The following LTN1 variants were observed in gnomAD, a reference collection of about 807,000 sequenced individuals.
LTN1 encodes E3 ubiquitin-protein ligase listerin.
In LTN1, 88 loss-of-function variants were observed where a neutral mutation model predicts 201.2. The observed-to-expected ratio is 0.44, with a 90% CI of 0.37 to 0.52. LTN1 has a LOEUF of 0.52. Among genes scored for constraint, LTN1 ranks in the 20% least tolerant of loss-of-function variants. The pLI is 0.00. For missense variants in LTN1, 1,752 were observed against 2,038.7 expected (o/e 0.86, Z 2.71); for synonymous variants, 645 against 713.5 (o/e 0.90, Z 1.53).
chr21:28,931,663 G>A (rs1443330292), intron 28 of LTN1, among the ~76,000 whole-genome samples: 1 of 152,194 alleles, frequency 6.6e-6, no homozygotes, highest in Admixed American at 6.5e-5. Context: ...TATCTCAAAT[G>A]ATTTGTTCCA....
intron 6 of LTN1, among the ~76,000 whole-genome samples, chr21:28,979,892 A>AATC: frequency 6.6e-6 from 1 of 152,286 alleles, no homozygotes; most frequent in Middle Eastern, 3.4e-3. Flanking sequence ...GAATCACTCA[A>AATC]ACCCAGGAGG....
At chr21:28,949,781 A>C (rs1433643713) in intron 18 of LTN1, among the ~76,000 whole-genome samples, 2 of 152,264 alleles carry the variant, frequency 1.3e-5, no homozygotes, top group East Asian at 3.9e-4. Context: ...ATTTTTACAG[A>C]ATCAAATATA....
At position 28,958,444 on chromosome 21, in the gene LTN1, G is replaced by A; in HGVS notation, c.2689C>T (p.His897Tyr). ...TTCTTCAGCCACAGAGCAGACAAATGTAGGAAGGTACTCTCTTTATATGAA... is the reference window on the plus strand; with the variant it reads ...TTCTTCAGCCACAGAGCAGACAAATATAGGAAGGTACTCTCTTTATATGAA... ...DSSYKESTFLHLSALWLKNQV... is the reference protein window; with the variant it reads ...DSSYKESTFLYLSALWLKNQV... Residue 897 changes from histidine to tyrosine, a missense_variant, in exon 14 of 30, where the codon CAT becomes TAT. His to Tyr is a moderately conservative substitution (Grantham distance 83). Transcript: ENST00000361371. 2 of 1,612,048 alleles carry A rather than the reference G, an allele frequency of 1.2e-6. No homozygotes were observed. Among genetic ancestry groups the A allele is most frequent in the South Asian group, 1.1e-5 (1 of 90,744 alleles).
chr21:28,957,626 C>T, intron 14 of LTN1, 150 bp from the exon 15 acceptor site: 1 of 436,246 alleles, frequency 2.3e-6, no homozygotes, highest in Non-Finnish European at 3.9e-6. Context: ...CCACCGATGA[C>T]ACACCAACAT....
intron 21 of LTN1, 82 bp downstream of exon 21, chr21:28,945,725 A>C: frequency 7.9e-7 from 1 of 1,270,872 alleles, no homozygotes; most frequent in East Asian, 2.3e-5. Context: ...TCATCACTTA[A>C]AGAATGAGAT....
chr21:28,974,252 G>C (rs1185182983), intron 6 of LTN1, among the ~76,000 whole-genome samples: 1 of 152,114 alleles, frequency 6.6e-6, no homozygotes, highest in Non-Finnish European at 1.5e-5. Flanking sequence ...CCATATACTG[G>C]AAGAAATCAT....
At chr21:28,935,772 G>A (rs1036812988) in intron 26 of LTN1, among the ~76,000 whole-genome samples, 6 of 151,218 alleles carry the variant, frequency 4.0e-5, no homozygotes, top group Admixed American at 2.0e-4. Flanking sequence ...CCCGGAAGGC[G>A]GAGCTTGCAG....
intron 6 of LTN1, among the ~76,000 whole-genome samples, chr21:28,979,994 C>T (rs534196478): frequency 1.5e-4 from 23 of 152,192 alleles, no homozygotes; most frequent in African/African-American, 5.1e-4. Context: ...AAAAAACTTG[C>T]AGTGTCTTGC....
intron 14 of LTN1, among the ~76,000 whole-genome samples, 197 bp from the exon 15 acceptor site, chr21:28,957,673 T>C (rs556399350): frequency 6.6e-6 from 1 of 152,248 alleles, no homozygotes; most frequent in South Asian, 2.1e-4. Flanking sequence ...ATATTTATCA[T>C]TTGAAATCTA....
rs551113175 is a variant in LTN1 at position 28,928,659 on chromosome 21, G to C, written c.*1789C>G. ...TACAAGTCTTAAAGAAATGTATTAA[G>C]AGTCCTAAGTATGAAGAACAGTTAT... On this transcript the variant is annotated 3_prime_UTR_variant, in exon 30 of 30. Coordinates refer to ENST00000361371, the MANE Select transcript of LTN1 (RefSeq NM_015565.3). 1 of 152,028 alleles carries C rather than the reference G, an allele frequency of 6.6e-6. No homozygotes were observed. Among genetic ancestry groups the C allele is most frequent in the East Asian group, 1.9e-4 (1 of 5,198 alleles). The allele number at this position is 152,028 out of a possible 1,614,324, so 9.4% of individuals were successfully genotyped here.
intron 11 of LTN1, chr21:28,964,495 G>A (rs960091370): frequency 1.5e-6 from 2 of 1,292,038 alleles, no homozygotes; most frequent in African/African-American, 1.5e-5. Context: ...AGACTGTAGT[G>A]TACACATAAC....
At chr21:28,951,293 T>G (rs1397631120) in intron 18 of LTN1, among the ~76,000 whole-genome samples, 1 of 152,252 alleles carries the variant, frequency 6.6e-6, no homozygotes, top group Non-Finnish European at 1.5e-5. Flanking sequence ...ATCTATCATT[T>G]CAGAATTCTT....
intron 6 of LTN1, among the ~76,000 whole-genome samples, chr21:28,975,205 G>A (rs902678025): frequency 1.3e-5 from 2 of 151,968 alleles, no homozygotes; most frequent in African/African-American, 4.8e-5. Context: ...ACTCAATAAG[G>A]TAAAGGAAAA....
chr21:28,953,663 T>C (rs771733566), intron 16 of LTN1, among the ~76,000 whole-genome samples: 1 of 152,202 alleles, frequency 6.6e-6, no homozygotes, highest in African/African-American at 2.4e-5. Context: ...AGAATCTTCC[T>C]ACCATTTTGG....
At chr21:28,976,562 G>A (rs2084616721) in intron 6 of LTN1, among the ~76,000 whole-genome samples, 1 of 149,864 alleles carries the variant, frequency 6.7e-6, no homozygotes, top group African/African-American at 2.5e-5. Flanking sequence ...ATGACACCAC[G>A]GCACTCCAGT....
At chr21:28,950,791 G>C (rs1292721869) in intron 18 of LTN1, among the ~76,000 whole-genome samples, 1 of 152,150 alleles carries the variant, frequency 6.6e-6, no homozygotes, top group Non-Finnish European at 1.5e-5. Context: ...TGGGATTACA[G>C]GCATAAGCCT....
Position 28,992,620 on chromosome 21 carries a change from G to T in LTN1, c.42+144C>A, listed in dbSNP as rs928683407. 5.0e-6 allele frequency: 4 copies of T among 797,110 alleles called. No homozygotes were observed. The highest frequency in any genetic ancestry group is 2.5e-5 in the Admixed American group (1 of 40,516). 49.4% of individuals were successfully genotyped at this position (797,110 alleles called of 1,614,324 possible). On this transcript the variant is annotated intron_variant, in intron 1 of 29. Coordinates refer to ENST00000361371, the MANE Select transcript of LTN1 (RefSeq NM_015565.3). The stretch of plus-strand genomic sequence containing the variant: ...GATAACACAAACCGCTCTCAGGGAC[G>T]CACACACAACAGAGAGGTCACACTC...
intron 26 of LTN1, among the ~76,000 whole-genome samples, chr21:28,935,566 C>T (rs979944167): frequency 5.3e-5 from 8 of 152,022 alleles, no homozygotes; most frequent in African/African-American, 1.2e-4. Context: ...TCCCGCCGGG[C>T]GCAGTGGCTC....
At chr21:28,973,428 A>AAAC (rs1286360489) in intron 6 of LTN1, among the ~76,000 whole-genome samples, 1 of 151,876 alleles carries the variant, frequency 6.6e-6, no homozygotes, top group Non-Finnish European at 1.5e-5. Flanking sequence ...AGGCAAATGT[A>AAAC]AACAAAGATT....
Sources: allele counts gnomAD v4.1 joint callset (sites outside exome capture counted in the v4.1 genomes callset), GRCh38; gene constraint gnomAD v4.1.1; transcripts MANE v1.5; gene names NCBI Gene and HGNC (gene_info 2026-07-23, HGNC 2026-07-21).